The following DHRS12 variants were observed in gnomAD, a reference collection of about 807,000 sequenced individuals.
DHRS12 encodes the protein dehydrogenase/reductase 12, also known as dehydrogenase/reductase SDR family member 12.
In DHRS12, 29 loss-of-function variants were observed where a neutral mutation model predicts 32.1. That is an observed-to-expected ratio of 0.90 (90% confidence interval 0.67 to 1.23). The LOEUF (loss-of-function observed/expected upper bound fraction) is 1.23. Ranked by LOEUF, DHRS12 falls within the 50% of genes most tolerant of loss-of-function variation. The pLI is 0.00. For synonymous variants in DHRS12, 150 were observed against 135.9 expected (o/e 1.10, Z -0.72); for missense variants, 330 against 337.2 (o/e 0.98, Z 0.17).
chr13:51,776,789 T>A (rs952820560), intron 5 of DHRS12, among the ~76,000 whole-genome samples: 4 of 152,028 alleles, frequency 2.6e-5, no homozygotes, highest in African/African-American at 9.7e-5. Flanking sequence ...GCCCCTGCCC[T>A]TCGGAGGCCT....
intron 2 of DHRS12, among the ~76,000 whole-genome samples, chr13:51,792,385 CATTTGTTTTTT>C (rs1450392828): frequency 2.6e-5 from 4 of 151,956 alleles, no homozygotes; most frequent in Non-Finnish European, 5.9e-5. Flanking sequence ...ATGTGTTGGC[CATTTGTTTTTT>C]GTTTGTTTTT....
intron 4 of DHRS12, among the ~76,000 whole-genome samples, chr13:51,787,858 AT>A (rs1955048682): frequency 8.3e-6 from 1 of 120,894 alleles, no homozygotes; most frequent in Non-Finnish European, 1.7e-5. Context: ...ATAATTATAT[AT>A]AATATATAAA....
At chr13:51,799,706 A>C in intron 1 of DHRS12, 39 bp from the exon 2 acceptor site, 1 of 1,606,826 alleles carries the variant, frequency 6.2e-7, no homozygotes, top group Non-Finnish European at 8.5e-7. Flanking sequence ...AGCTGTAAGG[A>C]GTGGGGAACA....
intron 4 of DHRS12, among the ~76,000 whole-genome samples, chr13:51,780,177 A>T (rs1366859134): frequency 6.7e-6 from 1 of 150,038 alleles, no homozygotes; most frequent in Non-Finnish European, 1.5e-5. Context: ...ATTCCATCTC[A>T]AAAATAAATA....
chr13:51,803,479 A>G (rs1369380922), intron 1 of DHRS12: 5 of 152,160 alleles, frequency 3.3e-5, no homozygotes, highest in Admixed American at 1.3e-4. Flanking sequence ...TAAAACCACA[A>G]TGAGGTGGAG....
chr13:51,799,956 A>G (rs1955677498), intron 1 of DHRS12, among the ~76,000 whole-genome samples: 1 of 152,190 alleles, frequency 6.6e-6, no homozygotes, highest in African/African-American at 2.4e-5. Flanking sequence ...AGTGGCAAAA[A>G]GAAAAAAAAT....
chr13:51,777,174 G>C, intron 4 of DHRS12, 53 bp from the exon 5 acceptor site: 3 of 1,607,074 alleles, frequency 1.9e-6, no homozygotes, highest in Non-Finnish European at 2.6e-6. Flanking sequence ...CCCAACTCAA[G>C]GGGTCCTGCA....
intron 2 of DHRS12, chr13:51,797,761 C>G (rs1167969653): frequency 4.0e-6 from 6 of 1,491,264 alleles, no homozygotes; most frequent in Non-Finnish European, 5.4e-6. Flanking sequence ...GGGTAGGAGT[C>G]CAGCCTCCTC....
At chr13:51,778,032 G>T (rs1954525227) in intron 4 of DHRS12, among the ~76,000 whole-genome samples, 1 of 152,232 alleles carries the variant, frequency 6.6e-6, no homozygotes, top group African/African-American at 2.4e-5. Context: ...TCTCACCACA[G>T]CTTCCTGCAC....
At chr13:51,778,155 C>T (rs1954534065) in intron 4 of DHRS12, among the ~76,000 whole-genome samples, 1 of 152,192 alleles carries the variant, frequency 6.6e-6, no homozygotes, top group Non-Finnish European at 1.5e-5. Context: ...CACTTACCAG[C>T]GGTGTGACCG....
intron 2 of DHRS12, among the ~76,000 whole-genome samples, chr13:51,794,161 C>T (rs575126316): frequency 2.2e-4 from 34 of 152,336 alleles, no homozygotes; most frequent in African/African-American, 7.7e-4. Context: ...TCTGCGGAGC[C>T]ACACAATGAG....
intron 1 of DHRS12, among the ~76,000 whole-genome samples, chr13:51,802,900 T>C (rs190587397): frequency 2.0e-5 from 3 of 147,610 alleles, no homozygotes; most frequent in African/African-American, 5.0e-5. Flanking sequence ...GAAAGAGTCC[T>C]GGGAGAAATT....
chr13:51,797,843 G>A lies in DHRS12; in HGVS notation c.126+1691C>T, dbSNP rs149418560. On this transcript the variant is annotated intron_variant, in intron 2 of 8. Transcript: ENST00000444610. ...CTGCTCACCTGGTTACCGCTCTCCC[G>A]GATGATCTCACCCCTGGCATCTTCT... 3.3e-4 allele frequency: 503 copies of A among 1,535,452 alleles called. 5 individuals carry two copies. In the East Asian group the frequency reaches 9.6e-3, roughly 29 times the overall value.
the DHRS12 span, chr13:51,758,330 C>T: frequency 6.7e-7 from 1 of 1,498,492 alleles, no homozygotes; most frequent in South Asian, 1.2e-5. Context: ...AGAAGCTTTC[C>T]ATCTTTGGCC....
intron 1 of DHRS12, 120 bp downstream of exon 1, chr13:51,803,934 C>T (rs899114802): frequency 9.2e-6 from 9 of 973,554 alleles, no homozygotes; most frequent in Non-Finnish European, 1.2e-5. Flanking sequence ...TCTGGACACG[C>T]TTAGTCGGCC....
In DHRS12 at chr13:51,768,196, T is replaced by TA; in HGVS notation, c.797_798insT (p.Phe267IlefsTer2). ...CTGTGTCTGGGTTGGCCTATTTAAA[T>TA]GTCTGAGCCAGCTGTTCCAGGATTT... On this transcript the variant is annotated frameshift_variant, in exon 9 of 9. Transcript: ENST00000444610. LOFTEE classifies it high-confidence loss of function. 2 of 1,536,126 alleles carry TA rather than the reference T, an allele frequency of 1.3e-6. No homozygotes were observed. Among genetic ancestry groups the TA allele is most frequent in the Non-Finnish European group, 1.7e-6 (2 of 1,146,894 alleles).
intron 8 of DHRS12, 169 bp from the exon 9 acceptor site, chr13:51,768,465 G>C: frequency 6.9e-7 from 1 of 1,440,134 alleles, no homozygotes; most frequent in Non-Finnish European, 9.1e-7. Context: ...AGGCAGCATG[G>C]ATTGATATGT....
chr13:51,775,974 C>CCTACATGTACT (rs1352837250), intron 5 of DHRS12: 5 of 125,628 alleles, frequency 4.0e-5, no homozygotes, highest in South Asian at 2.5e-4. Flanking sequence ...ACAGTATTCT[C>CCTACATGTACT]CTACAGTATT....
chr13:51,790,128 A>T, intron 3 of DHRS12, 36 bp from the exon 4 acceptor site: 1 of 1,538,144 alleles, frequency 6.5e-7, no homozygotes, highest in Non-Finnish European at 8.7e-7. Flanking sequence ...AATAAAGAAA[A>T]ATAGGGCCAA....
Sources: gnomAD v4.1 joint callset for allele counts (sites outside exome capture counted in the v4.1 genomes callset) on GRCh38, gnomAD v4.1.1 for gene constraint, MANE v1.5 for transcripts, NCBI Gene and HGNC (gene_info 2026-07-23, HGNC 2026-07-21) for gene names.